Variants in GRPEL2 observed in about 807,000 individuals in gnomAD.
GRPEL2 encodes GrpE like 2, mitochondrial, also known as grpE protein homolog 2, mitochondrial.
GRPEL2 carries 18 observed loss-of-function variants against 25.9 expected under a neutral mutation model. The ratio of observed to expected loss-of-function variants is 0.70; its 90% CI spans 0.48 to 1.03. The LOEUF is 1.03. GRPEL2 is among the 50% of genes least tolerant of loss of function. The probability of loss-of-function intolerance (pLI) is 0.00; values close to 1 mark genes in which losing one functional copy is unlikely to be tolerated. For missense variants in GRPEL2, 247 were observed against 276.2 expected (o/e 0.89, Z 0.75); for synonymous variants, 106 against 107.9 (o/e 0.98, Z 0.11).
In GRPEL2 at chr5:149,352,089, C is replaced by T. The variant is rs910938523; in HGVS notation, c.*807C>T. 2 of 152,218 alleles carry T rather than the reference C, an allele frequency of 1.3e-5. No individual in the cohort carries two copies. The highest frequency in any genetic ancestry group is 4.8e-5 in the African/African-American group (2 of 41,452). 9.4% of individuals were successfully genotyped at this position (152,218 alleles called of 1,614,324 possible). A position where few individuals can be genotyped will look rare whatever the true frequency, so the allele number is the denominator to read the frequency against. ...TGGCTCTATTTGGGTAATTTACCTA[C>T]AACTTATTCCACCAGCCTTTACTCC... On this transcript the variant is annotated 3_prime_UTR_variant, in exon 4 of 4. Transcript: ENST00000329271.
chr5:149,348,496 C>A, intron 2 of GRPEL2, 71 bp downstream of exon 2: 1 of 1,298,796 alleles, frequency 7.7e-7, no homozygotes, highest in South Asian at 1.6e-5. Flanking sequence ...TTTTTTATGT[C>A]AATTTTCAAA....
intron 2 of GRPEL2, among the ~76,000 whole-genome samples, chr5:149,348,991 C>T (rs1757731614): frequency 6.6e-6 from 1 of 151,622 alleles, no homozygotes; most frequent in African/African-American, 2.4e-5. Flanking sequence ...AAATAGATGA[C>T]ATACTTTTTT....
At position 149,354,050 on chromosome 5, in the gene GRPEL2, C is replaced by T. The variant is rs1400099193; in HGVS notation, c.*2768C>T. 6.6e-6 allele frequency: 1 copy of T among 152,040 alleles called. No individual in the cohort carries two copies. Among genetic ancestry groups the T allele is most frequent in the Non-Finnish European group, 1.5e-5 (1 of 68,020 alleles). 9.4% of individuals were successfully genotyped at this position (152,040 alleles called of 1,614,324 possible). ...TTATTATGCACATTGTTTTTCCTGC[C>T]TTTTTATGGCTGTCTAAAGTCTAGG... is the stretch of plus-strand genomic sequence containing the variant. On this transcript the variant is annotated 3_prime_UTR_variant, in exon 4 of 4. Coordinates refer to ENST00000329271, the MANE Select transcript of GRPEL2 (RefSeq NM_152407.4).
At chr5:149,350,863 C>T in intron 3 of GRPEL2, 55 bp from the exon 4 acceptor site, 2 of 1,586,426 alleles carry the variant, frequency 1.3e-6, no homozygotes, top group Non-Finnish European at 1.7e-6. Flanking sequence ...AAACTCTATG[C>T]CCACGGGCAG....
At chr5:149,350,810 G>A in intron 3 of GRPEL2, 108 bp from the exon 4 acceptor site, 1 of 1,146,036 alleles carries the variant, frequency 8.7e-7, no homozygotes, top group Non-Finnish European at 1.3e-6. Flanking sequence ...CTTTCCACTT[G>A]CTGGACTACT....
At position 149,351,348 on chromosome 5, in the gene GRPEL2, C is replaced by G; in HGVS notation, c.*66C>G. 10 of 1,497,256 alleles carry G rather than the reference C, an allele frequency of 6.7e-6. No individual in the cohort carries two copies. Among genetic ancestry groups the G allele is most frequent in the Non-Finnish European group, 8.1e-6 (9 of 1,116,360 alleles). 92.7% of individuals were successfully genotyped at this position (1,497,256 alleles called of 1,614,324 possible). ...ACCTATGTTTCTTTTATTTATTAAA[C>G]TAGGTTTGTATTGTACATGAGGTAC... On this transcript the variant is annotated 3_prime_UTR_variant, in exon 4 of 4. Transcript: ENST00000329271.
rs191958499 is a variant in GRPEL2 at position 149,349,917 on chromosome 5, G to A, written c.313+182G>A. 351 of 581,592 alleles carry A rather than the reference G, an allele frequency of 6.0e-4. 1 individual carries two copies. Among genetic ancestry groups the A allele is most frequent in the African/African-American group, 4.9e-3 (256 of 52,106 alleles). 36.0% of individuals were successfully genotyped at this position (581,592 alleles called of 1,614,324 possible). On this transcript the variant is annotated intron_variant, in intron 3 of 3. Coordinates refer to ENST00000329271, the MANE Select transcript of GRPEL2 (RefSeq NM_152407.4). The stretch of plus-strand genomic sequence containing the variant: ...AAACTAGCTAGGCATGGTGGCAGGC[G>A]CCTGTAATCCCAGCTACTCTGGAGG...
rs139055625 is a variant in GRPEL2 at position 149,350,929 on chromosome 5, T to C, written c.325T>C (p.Phe109Leu). 3 of 1,612,486 alleles carry C rather than the reference T, an allele frequency of 1.9e-6. No homozygotes were observed. In the African/African-American group the frequency reaches 4.0e-5, roughly 22 times the overall value. ...TGGCTTCTCTGCAGGAATCCAGAGT[T>C]TCTGTAAGGACTTGGTGGAGGTGGC... ...EDAKIFGIQS[F>L]CKDLVEVADI... is the part of the protein sequence containing the mutation. Residue 109 changes from phenylalanine (F) to leucine (L), a missense_variant, in exon 4 of 4, where the codon TTC (phenylalanine) becomes CTC (leucine). Transcript: ENST00000329271.
At chr5:149,345,774 C>T in intron 1 of GRPEL2, 158 bp downstream of exon 1, 1 of 635,766 alleles carries the variant, frequency 1.6e-6, no homozygotes, top group South Asian at 2.0e-5. Flanking sequence ...CCCCATTTTA[C>T]AGACGGGGAA....
chr5:149,349,939 G>A (rs918385064), intron 3 of GRPEL2: 17 of 561,136 alleles, frequency 3.0e-5, no homozygotes, highest in South Asian at 2.6e-4. Flanking sequence ...AGCTACTCTG[G>A]AGGCTGAGGC....
chr5:149,349,341 A>C (rs1757739605), intron 2 of GRPEL2, among the ~76,000 whole-genome samples: 1 of 152,210 alleles, frequency 6.6e-6, no homozygotes, highest in South Asian at 2.1e-4. Flanking sequence ...CCTTAAGTTC[A>C]AGTCAATGAA....
intron 1 of GRPEL2, among the ~76,000 whole-genome samples, chr5:149,346,626 A>C (rs1757693478): frequency 6.7e-6 from 1 of 150,300 alleles, no homozygotes; most frequent in African/African-American, 2.5e-5. Context: ...TCCAGTTCTG[A>C]AGCAGTAGGA....
chr5:149,350,155 T>C (rs1000202482), intron 3 of GRPEL2, among the ~76,000 whole-genome samples: 1 of 152,358 alleles, frequency 6.6e-6, no homozygotes, highest in South Asian at 2.1e-4. Flanking sequence ...AGTCCTTGAC[T>C]CTCACCAGCC....
At position 149,345,573 on chromosome 5, in the gene GRPEL2, CG is replaced by C; in HGVS notation, c.37del (p.Val13CysfsTer50). ...ACGGTCGCTGTGGGCGGGCCGGCTG[CG>C]GGTGCAGCGCCTACTGGCCTGGAGT... ...AVRSLWAGRL[R>X]VQRLLAWSAA... On this transcript the variant is annotated frameshift_variant, in exon 1 of 4. Coordinates refer to ENST00000329271, the MANE Select transcript of GRPEL2 (RefSeq NM_152407.4). LOFTEE classifies it high-confidence loss of function. 6.2e-7 allele frequency: 1 copy of C among 1,611,992 alleles called. No individual in the cohort carries two copies. Among genetic ancestry groups the C allele is most frequent in the Non-Finnish European group, 8.5e-7 (1 of 1,179,304 alleles).
rs1250359807 is a variant in GRPEL2, at chr5:149,350,946, G to A, written c.342G>A (p.Val114=). 12 of 1,613,964 alleles carry A rather than the reference G, an allele frequency of 7.4e-6. No homozygotes were observed. The highest frequency in any genetic ancestry group is 1.0e-5 in the Non-Finnish European group (12 of 1,179,778). Residue 114 remains valine, a synonymous_variant, in exon 4 of 4, where the codon GTG becomes GTA. Coordinates refer to ENST00000329271, the MANE Select transcript of GRPEL2 (RefSeq NM_152407.4). ...TCCAGAGTTTCTGTAAGGACTTGGT[G>A]GAGGTGGCTGACATTTTGGAGAAGA... ...FGIQSFCKDL[V]EVADILEKTT... is the part of the protein sequence containing the mutation.
chr5:149,348,350 G>A lies in GRPEL2; in HGVS notation c.156G>A (p.Glu52=). ...GCCGTTCTGAGGACCCTCCTGATGAGCTTGGGCCCCCTCTTGCTGAACGAG... is the reference window on the plus strand; with the variant it reads ...GCCGTTCTGAGGACCCTCCTGATGAACTTGGGCCCCCTCTTGCTGAACGAG... ...EDCRSEDPPD[E]LGPPLAERAL... Residue 52 remains glutamate, a synonymous_variant, in exon 2 of 4, where the codon GAG becomes GAA. Coordinates refer to ENST00000329271, the MANE Select transcript of GRPEL2 (RefSeq NM_152407.4). 1.2e-6 allele frequency: 2 copies of A among 1,613,492 alleles called. No homozygotes were observed. Among genetic ancestry groups the A allele is most frequent in the Non-Finnish European group, 1.7e-6 (2 of 1,179,894 alleles).
rs541526148 is a variant in GRPEL2 at position 149,346,797 on chromosome 5, G to A, written c.77+1181G>A. On this transcript the variant is annotated intron_variant, in intron 1 of 3. Coordinates refer to ENST00000329271, the MANE Select transcript of GRPEL2 (RefSeq NM_152407.4). ...CTGTCGCCCAGGCTGGAGTGCAGTG[G>A]CACAATCTCGGCTCACTGCAAGCTC... Among the ~76,000 whole-genome samples, 681 of 124,746 alleles carry A rather than the reference G, an allele frequency of 5.5e-3. 4 individuals carry two copies. The highest frequency in any genetic ancestry group is 8.1e-3 in the Non-Finnish European group (511 of 63,264). The allele number at this position is 124,746 out of a possible 152,430, so 81.8% of individuals were successfully genotyped here.
chr5:149,346,913 AT>A (rs1321278678), intron 1 of GRPEL2, among the ~76,000 whole-genome samples: 1 of 151,032 alleles, frequency 6.6e-6, no homozygotes, highest in Non-Finnish European at 1.5e-5. Flanking sequence ...AATTTTTTGT[AT>A]TTTTAGTAGA....
intron 2 of GRPEL2, among the ~76,000 whole-genome samples, chr5:149,349,122 A>G (rs897050657): frequency 2.5e-4 from 38 of 152,166 alleles, no homozygotes; most frequent in African/African-American, 9.2e-4. Context: ...CAGCCTCCCG[A>G]ATAGCTGGGA....
Sources: gnomAD v4.1 joint callset for allele counts (sites outside exome capture counted in the v4.1 genomes callset) on GRCh38, gnomAD v4.1.1 for gene constraint, MANE v1.5 for transcripts, NCBI Gene and HGNC (gene_info 2026-07-23, HGNC 2026-07-21) for gene names.